CAT: variants seen among roughly 807,000 people sequenced by gnomAD.
The protein encoded by CAT is catalase, also known as epididymis secretory sperm binding protein.
Under a neutral mutation model 59.0 loss-of-function variants are expected in CAT, and 43 were observed. That is an observed-to-expected ratio of 0.73 (90% CI 0.57 to 0.94). The LOEUF is 0.94. Among genes scored for constraint, CAT ranks in the 40% least tolerant of loss-of-function variants. The pLI is 0.00. For synonymous variants in CAT, 218 were observed against 230.9 expected (o/e 0.94, Z 0.51); for missense variants, 664 against 682.9 (o/e 0.97, Z 0.31).
intron 10 of CAT, 88 bp from the exon 11 acceptor site, chr11:34,468,200 A>G (rs1181164946): frequency 7.5e-6 from 7 of 929,902 alleles, no homozygotes; most frequent in South Asian, 2.6e-5. Flanking sequence ...TTTTTTTATC[A>G]TTGATTTCCT....
At chr11:34,446,254 G>T (rs1374157091) in intron 1 of CAT, among the ~76,000 whole-genome samples, 1 of 152,114 alleles carries the variant, frequency 6.6e-6, no homozygotes, top group Non-Finnish European at 1.5e-5. Context: ...AAGGTAAATT[G>T]TATATACATG....
intron 4 of CAT, among the ~76,000 whole-genome samples, chr11:34,452,548 T>TGCGC (rs1564962671): frequency 6.6e-6 from 1 of 151,910 alleles, no homozygotes; most frequent in Non-Finnish European, 1.5e-5. Context: ...TGTGTGTGCG[T>TGCGC]GCGCGCATGC....
intron 6 of CAT, among the ~76,000 whole-genome samples, chr11:34,455,613 G>T (rs1024702772): frequency 1.3e-5 from 2 of 151,428 alleles, no homozygotes; most frequent in Non-Finnish European, 2.9e-5. Context: ...GAGCTGTCAT[G>T]AAATGGAATT....
chr11:34,452,234 A>G (rs1856532411), intron 4 of CAT, 27 bp downstream of exon 4: 2 of 1,609,466 alleles, frequency 1.2e-6, no homozygotes, highest in South Asian at 1.1e-5. Flanking sequence ...TTTGCACTCA[A>G]CAAATGTTTG....
chr11:34,452,302 G>T, intron 4 of CAT, 95 bp downstream of exon 4: 1 of 1,190,196 alleles, frequency 8.4e-7, no homozygotes, highest in Non-Finnish European at 1.3e-6. Context: ...GGGAAAGGCA[G>T]AAAGAAAAGA....
At chr11:34,465,813 T>C (rs1018624974) in intron 10 of CAT, among the ~76,000 whole-genome samples, 18 of 152,120 alleles carry the variant, frequency 1.2e-4, no homozygotes, top group African/African-American at 4.1e-4. Flanking sequence ...ATGGAGAACA[T>C]TGAAAAGGTA....
At chr11:34,450,288 A>G (rs1856508523) in intron 2 of CAT, among the ~76,000 whole-genome samples, 1 of 152,186 alleles carries the variant, frequency 6.6e-6, no homozygotes, top group Admixed American at 6.5e-5. Flanking sequence ...TGGGGTAGTT[A>G]TGTTAGGGTG....
In CAT at chr11:34,450,973, T is replaced by G. The variant is rs561636589; in HGVS notation, c.239-15T>G. 2.0e-6 allele frequency: 3 copies of G among 1,535,922 alleles called. No homozygotes were observed. The highest frequency in any genetic ancestry group is 2.7e-6 in the Non-Finnish European group (3 of 1,108,656). On this transcript the variant is annotated splice_polypyrimidine_tract_variant and intron_variant, in intron 2 of 12. Coordinates refer to ENST00000241052, the MANE Select transcript of CAT (RefSeq NM_001752.4). ...AATGGTCTCATGGTAAGGATTTCTGTGTCTTTCTCGTTAGGGGCCTTTGGC... is the reference window on the plus strand; with the variant it reads ...AATGGTCTCATGGTAAGGATTTCTGGGTCTTTCTCGTTAGGGGCCTTTGGC...
intron 1 of CAT, among the ~76,000 whole-genome samples, chr11:34,445,514 A>AG (rs2133178436): frequency 6.6e-6 from 1 of 150,464 alleles, no homozygotes; most frequent in Non-Finnish European, 1.5e-5. Flanking sequence ...AAAAAAAAAA[A>AG]AAAAAAAAGA....
intron 12 of CAT, 33 bp from the exon 13 acceptor site, chr11:34,471,335 G>T: frequency 6.4e-7 from 1 of 1,572,466 alleles, no homozygotes; most frequent in South Asian, 1.1e-5. Context: ...CCCATGAGGT[G>T]ATTAACCTGC....
intron 11 of CAT, among the ~76,000 whole-genome samples, chr11:34,469,116 T>C (rs1332910537): frequency 6.6e-6 from 1 of 152,206 alleles, no homozygotes; most frequent in African/African-American, 2.4e-5. Flanking sequence ...GCCCTCTCAC[T>C]TCTGGTTTCC....
chr11:34,444,053 C>G (rs1856422637), intron 1 of CAT, among the ~76,000 whole-genome samples: 1 of 152,034 alleles, frequency 6.6e-6, no homozygotes, highest in African/African-American at 2.4e-5. Flanking sequence ...CCCCCAAAGT[C>G]TGAGGAAGCT....
In CAT at chr11:34,468,294, G is replaced by A. The variant is rs749536831; in HGVS notation, c.1333G>A (p.Ala445Thr). The change falls in exon 11 of 13, where the codon GCA becomes ACA. Residue 445 changes from alanine (A) to threonine (T), a missense_variant. By Grantham distance (58) the Ala-to-Thr change is moderately conservative. Coordinates refer to ENST00000241052, the MANE Select transcript of CAT (RefSeq NM_001752.4). Reference protein sequence around the residue: ...ANDDNVTQVRAFYVNVLNEEQ... With the variant: ...ANDDNVTQVRTFYVNVLNEEQ... ...TGCTCTTTTCTCTGAGCAGGTGCGGGCATTCTATGTGAACGTGCTGAATGA... is the reference window on the plus strand; with the variant it reads ...TGCTCTTTTCTCTGAGCAGGTGCGGACATTCTATGTGAACGTGCTGAATGA... The A allele has an allele frequency of 3.1e-6, 5 of 1,613,074 alleles. No homozygotes were observed. Among genetic ancestry groups the A allele is most frequent in the Non-Finnish European group, 4.2e-6 (5 of 1,179,130 alleles).
rs1346708545 is a variant in CAT, at chr11:34,464,117, A to T, written c.1208A>T (p.Asn403Ile). The change falls in exon 10 of 13, where the codon AAT (asparagine) becomes ATT (isoleucine). Residue 403 changes from asparagine (N) to isoleucine (I), a missense_variant. Transcript: ENST00000241052. ...CMQDNQGGAP[N>I]YYPNSFGAPE... Reference sequence around the variant, plus strand: ...TTTTGTTTTGAAGGTGGTGCTCCAAATTACTACCCCAACAGCTTTGGTGCT... The same window carrying T: ...TTTTGTTTTGAAGGTGGTGCTCCAATTTACTACCCCAACAGCTTTGGTGCT... 2 of 1,613,998 alleles carry T rather than the reference A, an allele frequency of 1.2e-6. No individual in the cohort carries two copies. Among genetic ancestry groups the T allele is most frequent in the Non-Finnish European group, 1.7e-6 (2 of 1,180,026 alleles).
chr11:34,449,957 A>G (rs1392125661), intron 2 of CAT, among the ~76,000 whole-genome samples: 11 of 152,180 alleles, frequency 7.2e-5, no homozygotes, highest in Non-Finnish European at 1.5e-4. Flanking sequence ...GATGCTGTCC[A>G]TTGCAGGGTG....
At chr11:34,461,435 G>A (rs1472742446) in intron 9 of CAT, 46 bp downstream of exon 9, 5 of 1,610,986 alleles carry the variant, frequency 3.1e-6, no homozygotes, top group East Asian at 2.2e-5. Context: ...CAGAGGGCAC[G>A]TGGAGCAGAT....
intron 8 of CAT, chr11:34,457,063 C>G (rs1441365146): frequency 9.6e-6 from 5 of 518,570 alleles, no homozygotes; most frequent in Non-Finnish European, 1.7e-5. Flanking sequence ...GACAAGAATA[C>G]TTACTCTCTT....
chr11:34,446,901 C>T (rs900815066), intron 1 of CAT, among the ~76,000 whole-genome samples: 1 of 152,074 alleles, frequency 6.6e-6, no homozygotes. Flanking sequence ...CTCCACTGCA[C>T]CTGGTACTAA....
intron 1 of CAT, among the ~76,000 whole-genome samples, chr11:34,447,278 C>G (rs1856468422): frequency 6.6e-6 from 1 of 152,086 alleles, no homozygotes; most frequent in South Asian, 2.1e-4. Flanking sequence ...GGGGATGGCC[C>G]AGGCATCAGG....
Sources: gnomAD v4.1 joint callset for allele counts (sites outside exome capture counted in the v4.1 genomes callset) on GRCh38, gnomAD v4.1.1 for gene constraint, MANE v1.5 for transcripts, NCBI Gene and HGNC (gene_info 2026-07-23, HGNC 2026-07-21) for gene names.